Variants in CFAP61 observed in about 807,000 individuals in gnomAD.
CFAP61 encodes the protein cilia- and flagella-associated protein 61.
Under a neutral mutation model 135.6 loss-of-function variants are expected in CFAP61, and 107 were observed. That is an observed-to-expected ratio of 0.79 (90% confidence interval 0.67 to 0.93). CFAP61 has a LOEUF of 0.93. Ranked by LOEUF, CFAP61 falls within the 40% of genes least tolerant of loss-of-function variation. The probability of loss-of-function intolerance (pLI) is 0.00; values close to 1 mark genes in which losing one functional copy is unlikely to be tolerated. For synonymous variants in CFAP61, 575 were observed against 578.5 expected, an observed-to-expected ratio of 0.99 and a Z score of 0.09; for missense variants, 1,507 against 1,556.2, an observed-to-expected ratio of 0.97 and a Z score of 0.53.
At chr20:20,269,788 A>G (rs1233474294) in intron 21 of CFAP61, among the ~76,000 whole-genome samples, 1 of 152,164 alleles carries the variant, frequency 6.6e-6, no homozygotes, top group Non-Finnish European at 1.5e-5. Context: ...TGCCAGTTGG[A>G]GTATATTTTA....
intron 6 of CFAP61, among the ~76,000 whole-genome samples, chr20:20,088,337 T>A (rs2046950049): frequency 6.6e-6 from 1 of 152,138 alleles, no homozygotes; most frequent in Non-Finnish European, 1.5e-5. Context: ...ACTAGACTAT[T>A]TATGAAGGAA....
At chr20:20,238,276 G>A (rs189514291) in intron 18 of CFAP61, among the ~76,000 whole-genome samples, 1 of 152,326 alleles carries the variant, frequency 6.6e-6, no homozygotes, top group Admixed American at 6.5e-5. Context: ...TTTATGGCAT[G>A]TGTTGTTGTT....
intron 2 of CFAP61, among the ~76,000 whole-genome samples, chr20:20,069,030 A>G (rs1258966508): frequency 6.6e-6 from 1 of 152,250 alleles, no homozygotes; most frequent in African/African-American, 2.4e-5. Flanking sequence ...GGCGTGAGCC[A>G]CCGCGCCCGG....
chr20:20,213,775 A>G (rs1260092432), intron 17 of CFAP61, among the ~76,000 whole-genome samples: 2 of 152,202 alleles, frequency 1.3e-5, no homozygotes, highest in East Asian at 3.8e-4. Context: ...TTAACAAGAA[A>G]AACTGATCCA....
chr20:20,135,504 G>C (rs1389330245), intron 8 of CFAP61, among the ~76,000 whole-genome samples: 3 of 152,122 alleles, frequency 2.0e-5, no homozygotes, highest in African/African-American at 7.2e-5. Context: ...TTAATTTTTT[G>C]CTTTTTGTTT....
intron 11 of CFAP61, among the ~76,000 whole-genome samples, chr20:20,165,243 A>G (rs537091509): frequency 6.6e-6 from 1 of 152,116 alleles, no homozygotes; most frequent in Non-Finnish European, 1.5e-5. Context: ...TTTCCAGCCA[A>G]AGTCTCATGA....
chr20:20,171,845 G>T (rs1260787853), intron 13 of CFAP61: 1 of 686,452 alleles, frequency 1.5e-6, no homozygotes, highest in Admixed American at 2.3e-5. Context: ...TGGCATGCAA[G>T]AGTTTCAGAC....
At chr20:20,321,801 C>T (rs1386985270) in intron 25 of CFAP61, among the ~76,000 whole-genome samples, 2 of 152,154 alleles carry the variant, frequency 1.3e-5, no homozygotes, top group Admixed American at 6.5e-5. Flanking sequence ...AACCATTTGG[C>T]CCTCCTCCCA....
chr20:20,083,061 A>G (rs2046540073), intron 6 of CFAP61, among the ~76,000 whole-genome samples: 1 of 152,218 alleles, frequency 6.6e-6, no homozygotes, highest in African/African-American at 2.4e-5. Context: ...TAGCAGCACA[A>G]TTTACAATTG....
At chr20:20,289,828 C>G (rs1476359468) in intron 23 of CFAP61, among the ~76,000 whole-genome samples, 3 of 152,222 alleles carry the variant, frequency 2.0e-5, no homozygotes, top group Non-Finnish European at 4.4e-5. Context: ...AGGAACAAAC[C>G]AAAATATTAA....
At chr20:20,327,118 T>C (rs1479206594) in intron 25 of CFAP61, among the ~76,000 whole-genome samples, 1 of 152,196 alleles carries the variant, frequency 6.6e-6, no homozygotes, top group African/African-American at 2.4e-5. Context: ...GTTGCTCTTG[T>C]GTTGAAGTCT....
rs542600797 is a variant in CFAP61 at position 20,103,433 on chromosome 20, A to G, written c.859+4619A>G. Among the ~76,000 whole-genome samples, 142 of 152,264 alleles carry G rather than the reference A, an allele frequency of 9.3e-4. 4 individuals are homozygous for G. Among genetic ancestry groups the G allele is most frequent in the Non-Finnish European group, 2.9e-4 (20 of 68,012 alleles). On this transcript the variant is annotated intron_variant, in intron 8 of 26. Coordinates refer to ENST00000245957, the MANE Select transcript of CFAP61 (RefSeq NM_015585.4). ...CTAAGGATGTAAATTTTGTCCAAGC[A>G]TAAGGAAAAACTAGTAGAAGTGTAT...
intron 24 of CFAP61, among the ~76,000 whole-genome samples, chr20:20,293,419 T>C (rs1237827639): frequency 6.6e-6 from 1 of 152,256 alleles, no homozygotes; most frequent in African/African-American, 2.4e-5. Flanking sequence ...ACAGATTTTT[T>C]TTCCATTTTA....
chr20:20,215,558 T>C (rs1483598823), intron 17 of CFAP61, among the ~76,000 whole-genome samples: 1 of 151,988 alleles, frequency 6.6e-6, no homozygotes, highest in African/African-American at 2.4e-5. Context: ...ATTTTGTTGG[T>C]TTTGACTTTA....
chr20:20,080,715 G>A (rs766042525), intron 6 of CFAP61, among the ~76,000 whole-genome samples: 1 of 152,072 alleles, frequency 6.6e-6, no homozygotes, highest in Non-Finnish European at 1.5e-5. Flanking sequence ...TATTAAAACT[G>A]TTTCCTGGCC....
At chr20:20,166,569 T>G in intron 12 of CFAP61, 133 bp downstream of exon 12, 1 of 681,438 alleles carries the variant, frequency 1.5e-6, no homozygotes, top group Non-Finnish European at 2.5e-6. Context: ...TGGCATGTCA[T>G]GAGCTCATAA....
intron 25 of CFAP61, among the ~76,000 whole-genome samples, chr20:20,305,328 G>T (rs537200902): frequency 1.1e-4 from 16 of 152,314 alleles, no homozygotes; most frequent in African/African-American, 3.4e-4. Flanking sequence ...GCCAGCCCAC[G>T]TGGCCCCCTA....
intron 22 of CFAP61, among the ~76,000 whole-genome samples, chr20:20,284,172 TTC>T (rs961870922): frequency 2.7e-4 from 41 of 152,200 alleles, no homozygotes; most frequent in African/African-American, 9.2e-4. Flanking sequence ...TTGTTCCCTC[TTC>T]TTTCTTTTCT....
chr20:20,063,344 C>T (rs1023147870), intron 2 of CFAP61, among the ~76,000 whole-genome samples: 4 of 152,048 alleles, frequency 2.6e-5, no homozygotes, highest in African/African-American at 9.7e-5. Flanking sequence ...ATGCCTTGCT[C>T]ATGAACATGG....
Sources: allele counts gnomAD v4.1 joint callset (sites outside exome capture counted in the v4.1 genomes callset), GRCh38; gene constraint gnomAD v4.1.1; transcripts MANE v1.5; gene names NCBI Gene and HGNC (gene_info 2026-07-23, HGNC 2026-07-21).